The following ZNF516 variants were observed in gnomAD, a reference collection of about 807,000 sequenced individuals.
The protein encoded by ZNF516 is zinc finger protein 516.
In ZNF516, 19 loss-of-function variants were observed where a neutral mutation model predicts 79.7. The ratio of observed to expected loss-of-function variants is 0.24; its 90% CI spans 0.17 to 0.35. ZNF516 has a LOEUF of 0.35. Ranked by LOEUF, ZNF516 falls within the 10% of genes least tolerant of loss-of-function variation. The pLI, the probability that ZNF516 is intolerant of heterozygous loss-of-function variation, is 1.00. For synonymous variants in ZNF516, 877 were observed against 739.5 expected (o/e 1.19, Z -3.02); for missense variants, 1,678 against 1,679.5 (o/e 1.00, Z 0.02).
chr18:76,431,269 A>C (rs1391958511), intron 3 of ZNF516, among the ~76,000 whole-genome samples: 1 of 152,090 alleles, frequency 6.6e-6, no homozygotes, highest in East Asian at 1.9e-4. Context: ...ACACACACAC[A>C]AAAACACTTA....
At chr18:76,455,897 C>T (rs961734288) in intron 2 of ZNF516, among the ~76,000 whole-genome samples, 8 of 152,156 alleles carry the variant, frequency 5.3e-5, no homozygotes, top group Non-Finnish European at 8.8e-5. Flanking sequence ...GTGCTTCCAC[C>T]TCGATTATCT....
intron 3 of ZNF516, among the ~76,000 whole-genome samples, chr18:76,396,336 A>G (rs1252228692): frequency 6.6e-6 from 1 of 152,194 alleles, no homozygotes; most frequent in African/African-American, 2.4e-5. Context: ...TTTCAACCAT[A>G]TATGGCGCGC....
At chr18:76,403,562 A>G (rs1379794557) in intron 3 of ZNF516, among the ~76,000 whole-genome samples, 10 of 152,196 alleles carry the variant, frequency 6.6e-5, no homozygotes, top group Admixed American at 1.3e-4. Context: ...AATGAGATAC[A>G]GAGCACCCAG....
intron 3 of ZNF516, among the ~76,000 whole-genome samples, chr18:76,418,654 T>G (rs559520579): frequency 6.6e-6 from 1 of 152,334 alleles, no homozygotes; most frequent in Non-Finnish European, 1.5e-5. Context: ...AGATTGTGCT[T>G]CTGGGTTACC....
In ZNF516 at chr18:76,441,565, G is replaced by T; in HGVS notation, c.1490C>A (p.Ser497Ter). The change falls in exon 3 of 7, where the codon TCG becomes TAG. Residue 497 changes from serine to a stop codon, truncating the protein, a stop_gained. Coordinates refer to ENST00000443185, the MANE Select transcript of ZNF516 (RefSeq NM_014643.4). LOFTEE classifies it high-confidence loss of function. ...PAPAGHLDPRSAARPNRRAAA... is the reference protein window; with the variant it reads ...PAPAGHLDPR ...GGCCCTGCGGTTGGGGCGCGCGGCCGAGCGGGGATCGAGGTGGCCGGCGGG... is the reference window on the plus strand; with the variant it reads ...GGCCCTGCGGTTGGGGCGCGCGGCCTAGCGGGGATCGAGGTGGCCGGCGGG... 1 of 1,484,058 alleles carries T rather than the reference G, an allele frequency of 6.7e-7. No homozygotes were observed. Among genetic ancestry groups the T allele is most frequent in the Non-Finnish European group, 8.9e-7 (1 of 1,122,412 alleles). 91.9% of individuals were successfully genotyped at this position (1,484,058 alleles called of 1,614,324 possible).
upstream of ZNF516, chr18:76,495,654 C>T (rs966604576): frequency 3.7e-6 from 4 of 1,082,692 alleles, no homozygotes; most frequent in Non-Finnish European, 3.5e-6. Context: ...AGCCCCGGCT[C>T]CCGGAGGCCG....
At chr18:76,476,604 T>C (rs1339859065) in intron 1 of ZNF516, among the ~76,000 whole-genome samples, 2 of 152,192 alleles carry the variant, frequency 1.3e-5, no homozygotes, top group East Asian at 3.8e-4. Context: ...TTAAAGCATA[T>C]TAAACAGTGG....
At position 76,442,322 on chromosome 18, in the gene ZNF516, G is replaced by A. The variant is rs868537950; in HGVS notation, c.733C>T (p.Pro245Ser). The change falls in exon 3 of 7, where the codon CCC becomes TCC. Residue 245 changes from proline to serine, a missense_variant. Transcript: ENST00000443185. The part of the protein sequence containing the change: ...CVENGKPELS[P>S]GEFPCEVCGQ... Reference sequence around the variant, plus strand: ...CACACCTCGCACGGGAACTCCCCGGGGCTCAGCTCGGGCTTGCCGTTCTCC... The same window carrying A: ...CACACCTCGCACGGGAACTCCCCGGAGCTCAGCTCGGGCTTGCCGTTCTCC... 6.2e-7 allele frequency: 1 copy of A among 1,611,456 alleles called. No individual in the cohort carries two copies. The highest frequency in any genetic ancestry group is 8.5e-7 in the Non-Finnish European group (1 of 1,179,342).
At position 76,491,403 on chromosome 18, in the gene ZNF516, C is replaced by CCCCCGCCCG. The variant is rs1341269884; in HGVS notation, c.-272+3732_-272+3740dup. ...GCCTCGCTCCCGCCCCCGCCGGCTC[C>CCCCCGCCCG]CCCCGCCCGCCCCGCCCGCCCCCGC... On this transcript the variant is annotated intron_variant, in intron 1 of 6. Transcript: ENST00000443185. Among the ~76,000 whole-genome samples, 153 of 141,442 alleles carry CCCCCGCCCG rather than the reference C, an allele frequency of 1.1e-3. 1 individual carries two copies. The highest frequency in any genetic ancestry group is 3.5e-3 in the African/African-American group (136 of 38,706). The allele number at this position is 141,442 out of a possible 152,430, so 92.8% of individuals were successfully genotyped here.
chr18:76,485,987 T>C (rs936787460), intron 1 of ZNF516, among the ~76,000 whole-genome samples: 1 of 152,046 alleles, frequency 6.6e-6, no homozygotes, highest in African/African-American at 2.4e-5. Flanking sequence ...AACTAAACAG[T>C]GAATCTTCTC....
chr18:76,461,848 T>C (rs566645122), intron 2 of ZNF516, among the ~76,000 whole-genome samples: 1 of 152,324 alleles, frequency 6.6e-6, no homozygotes, highest in South Asian at 2.1e-4. Context: ...GTGCCCGCCA[T>C]GGGCCGGACC....
chr18:76,489,047 A>G (rs1178025472), intron 1 of ZNF516, among the ~76,000 whole-genome samples: 2 of 152,246 alleles, frequency 1.3e-5, no homozygotes, highest in African/African-American at 2.4e-5. Context: ...CAGTGAGCTT[A>G]TATTTCAGTC....
rs112809253 is a variant in ZNF516 at position 76,487,851 on chromosome 18, C to G, written c.-272+7293G>C. On this transcript the variant is annotated intron_variant, in intron 1 of 6. Transcript: ENST00000443185. ...TCCTCTATGGCCCCTAGATACATTC[C>G]CGTAATAGGCTGCTGCCACTACACT... 18 of 821,526 alleles carry G rather than the reference C, an allele frequency of 2.2e-5. No individual in the cohort carries two copies. The African/African-American group carries it at 2.8e-4, about 13-fold the overall frequency. 50.9% of individuals were successfully genotyped at this position (821,526 alleles called of 1,614,324 possible). A position where few individuals can be genotyped will look rare whatever the true frequency, so the allele number is the denominator to read the frequency against.
intron 1 of ZNF516, among the ~76,000 whole-genome samples, chr18:76,484,510 G>C (rs531509494): frequency 6.6e-6 from 1 of 152,120 alleles, no homozygotes; most frequent in African/African-American, 2.4e-5. Context: ...AACCCCGCTC[G>C]GGCCAAGAAG....
Position 76,442,215 on chromosome 18 carries a change from G to A in ZNF516, c.840C>T (p.Ile280=). 3.1e-6 allele frequency: 5 copies of A among 1,613,846 alleles called. No individual in the cohort carries two copies. Among genetic ancestry groups the A allele is most frequent in the Non-Finnish European group, 4.2e-6 (5 of 1,179,872 alleles). The change falls in exon 3 of 7, where the codon ATC becomes ATT. Residue 280 remains isoleucine (I), a synonymous_variant. Coordinates refer to ENST00000443185, the MANE Select transcript of ZNF516 (RefSeq NM_014643.4). The part of the protein sequence containing the change: ...HRGSFDHGCH[I]CGRRFKEPWF... The stretch of plus-strand genomic sequence containing the variant: ...AGGGCTCCTTGAACCTACGGCCGCA[G>A]ATGTGGCAGCCGTGGTCGAAGGAGC...
At chr18:76,412,606 A>G (rs2075385505) in intron 3 of ZNF516, among the ~76,000 whole-genome samples, 1 of 152,160 alleles carries the variant, frequency 6.6e-6, no homozygotes, top group Non-Finnish European at 1.5e-5. Flanking sequence ...ACTGGGTAAT[A>G]GAGGAAGGGA....
intron 3 of ZNF516, among the ~76,000 whole-genome samples, chr18:76,423,157 C>T (rs973941313): frequency 9.8e-5 from 15 of 152,286 alleles, no homozygotes; most frequent in African/African-American, 3.1e-4. Context: ...ACAATTTACA[C>T]GCATTCTTTA....
In ZNF516 at chr18:76,489,874, G is replaced by A. The variant is rs372347200; in HGVS notation, c.-272+5270C>T. ...ATAACTCCCATCTCTCTGCATTGTTGAAAGCTGTACCTACTAAACCTGCTA... is the reference window on the plus strand; with the variant it reads ...ATAACTCCCATCTCTCTGCATTGTTAAAAGCTGTACCTACTAAACCTGCTA... On this transcript the variant is annotated intron_variant, in intron 1 of 6. Transcript: ENST00000443185. 1.6e-4 allele frequency among the ~76,000 whole-genome samples: 24 copies of A among 152,252 alleles called. No individual in the cohort carries two copies. The East Asian group carries it at 4.4e-3, about 28-fold the overall frequency.
At chr18:76,437,345 G>A (rs937585441) in intron 3 of ZNF516, among the ~76,000 whole-genome samples, 2 of 152,128 alleles carry the variant, frequency 1.3e-5, no homozygotes, top group Non-Finnish European at 2.9e-5. Context: ...CGGGGCTGCT[G>A]GGCGGCAGGG....
Sources: gnomAD v4.1 joint callset for allele counts (sites outside exome capture counted in the v4.1 genomes callset) on GRCh38, gnomAD v4.1.1 for gene constraint, MANE v1.5 for transcripts, NCBI Gene and HGNC (gene_info 2026-07-23, HGNC 2026-07-21) for gene names.